COL11A2: variants seen among roughly 807,000 people sequenced by gnomAD.
COL11A2 encodes the protein collagen alpha-2(XI) chain.
COL11A2 carries 116 observed loss-of-function variants against 273.4 expected under a neutral mutation model. That is an observed-to-expected ratio of 0.42 (90% CI 0.36 to 0.49). The LOEUF is 0.49. Ranked by LOEUF, COL11A2 falls within the 20% of genes least tolerant of loss-of-function variation. COL11A2 has a pLI of 0.00. For missense variants in COL11A2, 1,866 were observed against 2,309.0 expected, an observed-to-expected ratio of 0.81 and a Z score of 3.93; for synonymous variants, 782 against 864.2, an observed-to-expected ratio of 0.90 and a Z score of 1.67.
At position 33,173,312 on chromosome 6, in the gene COL11A2, G is replaced by A. The variant is rs372891945; in HGVS notation, c.2736+36C>T. Reference sequence around the variant, plus strand: ...CTCTGGGGTTAAAGGGTCTGATGGAGCCCCCTGAGAATGGGTAGCCAGGAG... The same window carrying A: ...CTCTGGGGTTAAAGGGTCTGATGGAACCCCCTGAGAATGGGTAGCCAGGAG... On this transcript the variant is annotated intron_variant, in intron 37 of 65. Transcript: ENST00000341947. This position sits in a 1 kb window ranked among gnomAD's most constrained non-coding sequence, Gnocchi z 6.3. 8 of 1,608,608 alleles carry A rather than the reference G, an allele frequency of 5.0e-6. No individual in the cohort carries two copies. Among genetic ancestry groups the A allele is most frequent in the Non-Finnish European group, 6.8e-6 (8 of 1,178,590 alleles).
Position 33,192,361 on chromosome 6 carries a change from G to T in COL11A2, c.-121C>A. 1 of 996,438 alleles carries T rather than the reference G, an allele frequency of 1.0e-6. No individual in the cohort carries two copies. Among genetic ancestry groups the T allele is most frequent in the Non-Finnish European group, 1.5e-6 (1 of 655,564 alleles). 61.7% of individuals were successfully genotyped at this position (996,438 alleles called of 1,614,324 possible). On this transcript the variant is annotated 5_prime_UTR_variant, in exon 1 of 66. Transcript: ENST00000341947. The stretch of plus-strand genomic sequence containing the variant: ...CCTCAGACGCCGGGGTCCCAGGGAG[G>T]TCAGAGGCTGCGGGCAGCGACAGCT...
chr6:33,172,770 C>A, intron 38 of COL11A2, 133 bp from the exon 39 acceptor site: 1 of 860,364 alleles, frequency 1.2e-6, no homozygotes. Context: ...TGGGAAATTC[C>A]CCGGCATTCC....
intron 3 of COL11A2, 63 bp from the exon 4 acceptor site, chr6:33,188,587 G>T (rs1772707814): frequency 4.4e-6 from 7 of 1,593,988 alleles, no homozygotes. Context: ...AGTCAACATG[G>T]TTGGAGAGCA....
At chr6:33,180,510 A>T (rs1474526207) in intron 11 of COL11A2, among the ~76,000 whole-genome samples, 158 bp downstream of exon 11, 1 of 152,148 alleles carries the variant, frequency 6.6e-6, no homozygotes, top group Non-Finnish European at 1.5e-5. Context: ...ACCCTCCCCA[A>T]CCAGAGTCTG....
chr6:33,186,712 T>C lies in COL11A2; in HGVS notation c.713A>G (p.Asn238Ser). Residue 238 changes from asparagine to serine, a missense_variant, in exon 5 of 66, where the codon AAC becomes AGC. Asn to Ser is a conservative substitution (Grantham distance 46, BLOSUM62 1). Coordinates refer to ENST00000341947, the MANE Select transcript of COL11A2 (RefSeq NM_080680.3). ...TCTCTGGGCTCTGTGAGGCTGTTGGTTTTGGGGTCTTTCCCTCTGGCCCCC... is the reference window on the plus strand; with the variant it reads ...TCTCTGGGCTCTGTGAGGCTGTTGGCTTTGGGGTCTTTCCCTCTGGCCCCC... ...CEGGQRERPQ[N>S]QQPHRAQRSP... 6.2e-7 allele frequency: 1 copy of C among 1,606,762 alleles called. No individual in the cohort carries two copies. The highest frequency in any genetic ancestry group is 1.1e-5 in the South Asian group (1 of 90,764).
chr6:33,169,330 G>A lies in COL11A2; in HGVS notation c.3798+53C>T. ...CCCTCACACACACCCATATTCCCAG[G>A]TCTGTCATTCACAGGGCCTGAGAGG... is the stretch of plus-strand genomic sequence containing the variant. On this transcript the variant is annotated intron_variant, in intron 51 of 65. Transcript: ENST00000341947. This position sits in a 1 kb window ranked among gnomAD's most constrained non-coding sequence, Gnocchi z 5.5. 9.3e-6 allele frequency: 14 copies of A among 1,500,424 alleles called. No homozygotes were observed. Among genetic ancestry groups the A allele is most frequent in the Non-Finnish European group, 1.0e-5 (11 of 1,083,520 alleles). The allele number at this position is 1,500,424 out of a possible 1,614,324, so 92.9% of individuals were successfully genotyped here. A position where few individuals can be genotyped will look rare whatever the true frequency, so the allele number is the denominator to read the frequency against.
Position 33,179,810 on chromosome 6 carries a change from G to C in COL11A2, c.1360-5C>G, listed in dbSNP as rs1306010427. ...CCCACCACTGCCAAACCGGAACTGA[G>C]GTCAAGGAGAGAAGGTCCAGGTTCT... is the stretch of plus-strand genomic sequence containing the variant. On this transcript the variant is annotated splice_region_variant and splice_polypyrimidine_tract_variant and intron_variant, in intron 12 of 65. Transcript: ENST00000341947. This position sits in a 1 kb window ranked among gnomAD's most constrained non-coding sequence, Gnocchi z 6.4. The C allele has an allele frequency of 6.2e-7, 1 of 1,610,294 alleles. No homozygotes were observed. Among genetic ancestry groups the C allele is most frequent in the East Asian group, 2.2e-5 (1 of 44,880 alleles).
At position 33,179,831 on chromosome 6, in the gene COL11A2, G is replaced by T; in HGVS notation, c.1360-26C>A. The T allele has an allele frequency of 6.3e-7, 1 of 1,598,432 alleles. No individual in the cohort carries two copies. The highest frequency in any genetic ancestry group is 1.3e-5 in the African/African-American group (1 of 74,880). On this transcript the variant is annotated intron_variant, in intron 12 of 65. Transcript: ENST00000341947. The surrounding 1 kb of genome is among the most constrained non-coding windows in gnomAD (Gnocchi z 6.4). ...CTGAGGTCAAGGAGAGAAGGTCCAG[G>T]TTCTCTTCCAAGAAAGCCATGGGAC...
In COL11A2 at chr6:33,178,054, C is replaced by G. The variant is rs1321684992; in HGVS notation, c.1872+78G>C. 8.5e-6 allele frequency: 12 copies of G among 1,413,894 alleles called. No homozygotes were observed. The highest frequency in any genetic ancestry group is 1.2e-5 in the Non-Finnish European group (12 of 1,017,860). 87.6% of individuals were successfully genotyped at this position (1,413,894 alleles called of 1,614,324 possible). ...AAGCATGCCGAGAGAGGAGAGGGAGCAGGAAGGCAGCTAGAAAGGTGGAGA... is the reference window on the plus strand; with the variant it reads ...AAGCATGCCGAGAGAGGAGAGGGAGGAGGAAGGCAGCTAGAAAGGTGGAGA... On this transcript the variant is annotated intron_variant, in intron 21 of 65. Transcript: ENST00000341947. This position sits in a 1 kb window ranked among gnomAD's most constrained non-coding sequence, Gnocchi z 4.6.
At chr6:33,175,954 C>G in intron 29 of COL11A2, 62 bp downstream of exon 29, 1 of 1,578,670 alleles carries the variant, frequency 6.3e-7, no homozygotes. Flanking sequence ...CGGTGCTTGG[C>G]GTCTCCAGAG....
intron 11 of COL11A2, 116 bp downstream of exon 11, chr6:33,180,552 A>T: frequency 3.1e-6 from 3 of 981,846 alleles, no homozygotes; most frequent in South Asian, 1.5e-5. Context: ...AAGCACAACC[A>T]TCCCCTCATT....
chr6:33,186,473 G>A, intron 5 of COL11A2, 154 bp downstream of exon 5: 1 of 1,472,318 alleles, frequency 6.8e-7, no homozygotes, highest in Non-Finnish European at 9.0e-7. Flanking sequence ...TTTATTTTTA[G>A]ATGAAAATAA....
At position 33,163,429 on chromosome 6, in the gene COL11A2, G is replaced by C. The variant is rs912676609; in HGVS notation, c.*249C>G. On this transcript the variant is annotated 3_prime_UTR_variant, in exon 66 of 66. Transcript: ENST00000341947. This position sits in a 1 kb window ranked among gnomAD's most constrained non-coding sequence, Gnocchi z 4.1. ...GATTGGGAGGTGAGTTTTAAATAAG[G>C]GTCTCAGCTCTCTAACGGGTAACAG... 1.7e-5 allele frequency: 10 copies of C among 594,092 alleles called. No individual in the cohort carries two copies. In the African/African-American group the frequency reaches 1.9e-4, roughly 11 times the overall value. The allele number at this position is 594,092 out of a possible 1,614,324, so 36.8% of individuals were successfully genotyped here. A position where few individuals can be genotyped will look rare whatever the true frequency, so the allele number is the denominator to read the frequency against.
intron 7 of COL11A2, 35 bp downstream of exon 7, chr6:33,184,957 C>A (rs1194077346): frequency 3.9e-6 from 6 of 1,534,376 alleles, no homozygotes; most frequent in East Asian, 2.4e-5. Flanking sequence ...GTGCCCACTG[C>A]CCCCAGATGG....
In COL11A2 at chr6:33,174,045, C is replaced by T. The variant is rs750006299; in HGVS notation, c.2495G>A (p.Gly832Glu). The T allele has an allele frequency of 7.5e-5, 121 of 1,613,822 alleles. No individual in the cohort carries two copies. Among genetic ancestry groups the T allele is most frequent in the Non-Finnish European group, 1.0e-4 (118 of 1,180,004 alleles). The part of the protein sequence containing the change: ...SGEKGARGLS[G>E]KSGPRGERGP... ...CCGTTCTCCCCGAGGCCCTGACTTCCCCGACAGGCCCTGGTGGGAATGAAG... is the reference window on the plus strand; with the variant it reads ...CCGTTCTCCCCGAGGCCCTGACTTCTCCGACAGGCCCTGGTGGGAATGAAG... The change falls in exon 33 of 66, where the codon GGG becomes GAG. Residue 832 changes from glycine (G) to glutamate (E), a missense_variant. Gly to Glu is a moderately conservative substitution (Grantham distance 98, BLOSUM62 -2). Transcript: ENST00000341947.
chr6:33,185,743 G>C lies in COL11A2; in HGVS notation c.834C>G (p.Pro278=). The change falls in exon 6 of 66, where the codon CCC becomes CCG. Residue 278 remains proline, a synonymous_variant. Transcript: ENST00000341947. Reference sequence around the variant, plus strand: ...TCCCCGTAGTCATCACATCATAATAGGGGGGCTCGTAGTCATAGTAGAGAG... The same window carrying C: ...TCCCCGTAGTCATCACATCATAATACGGGGGCTCGTAGTCATAGTAGAGAG... ...TESLYYDYEP[P]YYDVMTTGTT... is the part of the protein sequence containing the mutation. The C allele has an allele frequency of 7.3e-7, 1 of 1,362,732 alleles. No homozygotes were observed. Among genetic ancestry groups the C allele is most frequent in the Non-Finnish European group, 9.8e-7 (1 of 1,018,818 alleles). The allele number at this position is 1,362,732 out of a possible 1,614,324, so 84.4% of individuals were successfully genotyped here. A position where few individuals can be genotyped will look rare whatever the true frequency, so the allele number is the denominator to read the frequency against.
Position 33,169,587 on chromosome 6 carries a change from C to A in COL11A2, c.3691-97G>T. On this transcript the variant is annotated intron_variant, in intron 50 of 65. Transcript: ENST00000341947. The surrounding 1 kb of genome is among the most constrained non-coding windows in gnomAD (Gnocchi z 5.5). ...GACACCTTCAGCCATCCCCTACTCC[C>A]CTCAGTGACAATGGGACATACACAG... 8.0e-7 allele frequency: 1 copy of A among 1,247,784 alleles called. No homozygotes were observed. The highest frequency in any genetic ancestry group is 2.4e-5 in the East Asian group (1 of 41,358). 77.3% of individuals were successfully genotyped at this position (1,247,784 alleles called of 1,614,324 possible).
chr6:33,165,769 C>T lies in COL11A2; in HGVS notation c.4530G>A (p.Lys1510=). Residue 1510 remains lysine (K), a synonymous_variant, in exon 63 of 66, where the codon AAG becomes AAA. Coordinates refer to ENST00000341947, the MANE Select transcript of COL11A2 (RefSeq NM_080680.3). The surrounding 1 kb of genome is among the most constrained non-coding windows in gnomAD (Gnocchi z 7.7). ...VIQPLPIQMP[K]KTRRSVDGSR... ...TTCCATCCACCGAGCGCCGAGTCTT[C>T]TTGGGCATCTGAATGGGCAGTGGCT... 1 of 1,613,198 alleles carries T rather than the reference C, an allele frequency of 6.2e-7. No individual in the cohort carries two copies. Among genetic ancestry groups the T allele is most frequent in the Non-Finnish European group, 8.5e-7 (1 of 1,180,010 alleles).
At chr6:33,168,479 G>C (rs771973094) in intron 54 of COL11A2, 40 bp downstream of exon 54, 4 of 1,610,810 alleles carry the variant, frequency 2.5e-6, no homozygotes, top group Non-Finnish European at 3.4e-6. Context: ...ACACAGCCCA[G>C]GGACTGCCTC....
Sources: allele counts gnomAD v4.1 joint callset (sites outside exome capture counted in the v4.1 genomes callset), GRCh38; gene constraint gnomAD v4.1.1; non-coding constraint Gnocchi (gnomAD v3.1); transcripts MANE v1.5; gene names NCBI Gene and HGNC (gene_info 2026-07-23, HGNC 2026-07-21).